CDH18: variants seen among roughly 807,000 people sequenced by gnomAD.
CDH18 encodes the protein cadherin-18.
CDH18 carries 31 observed loss-of-function variants against 67.9 expected under a neutral mutation model. That is an observed-to-expected ratio of 0.46 (90% CI 0.34 to 0.62). CDH18 has a LOEUF of 0.62. Ranked by LOEUF, CDH18 falls within the 20% of genes least tolerant of loss-of-function variation. The probability of loss-of-function intolerance (pLI) is 0.01; values close to 1 mark genes in which losing one functional copy is unlikely to be tolerated. For missense variants in CDH18, 890 were observed against 975.5 expected (o/e 0.91, Z 1.17); for synonymous variants, 362 against 347.2 (o/e 1.04, Z -0.48).
Position 19,965,767 on chromosome 5 carries a change from AAG to A in CDH18, c.-257+15291_-257+15292del, listed in dbSNP as rs577587842. 2.7e-3 allele frequency among the ~76,000 whole-genome samples: 404 copies of A among 152,202 alleles called. 2 individuals are homozygous for A. The highest frequency in any genetic ancestry group is 8.0e-3 in the Admixed American group (122 of 15,276). ...AGGTAGAAAGAGAGAGGCGGGTAGA[AAG>A]AGAGAGGCAGGTAGAAAGAGACAGG... On this transcript the variant is annotated intron_variant, in intron 2 of 12. Transcript: ENST00000382275.
intron 2 of CDH18, among the ~76,000 whole-genome samples, chr5:20,101,580 T>C (rs1746472445): frequency 6.6e-6 from 1 of 152,164 alleles, no homozygotes; most frequent in East Asian, 1.9e-4. Flanking sequence ...CATCATCAAC[T>C]AAGACTATGG....
intron 3 of CDH18, among the ~76,000 whole-genome samples, chr5:19,773,463 C>T (rs1773954023): frequency 6.6e-6 from 1 of 152,094 alleles, no homozygotes; most frequent in African/African-American, 2.4e-5. Context: ...GAGAAAACCT[C>T]ACAGTTCAGA....
chr5:19,625,522 T>G (rs908757390), intron 5 of CDH18, among the ~76,000 whole-genome samples: 13 of 152,104 alleles, frequency 8.5e-5, no homozygotes, highest in African/African-American at 2.9e-4. Flanking sequence ...AATCAAGGTG[T>G]TGGCAGGGTT....
At chr5:20,175,652 A>G (rs951064542) in intron 2 of CDH18, among the ~76,000 whole-genome samples, 2 of 152,142 alleles carry the variant, frequency 1.3e-5, no homozygotes, top group Non-Finnish European at 2.9e-5. Flanking sequence ...AATATGATAT[A>G]TAGATACATA....
intron 1 of CDH18, among the ~76,000 whole-genome samples, chr5:20,515,476 C>T (rs1007819486): frequency 2.8e-4 from 43 of 152,166 alleles, no homozygotes; most frequent in African/African-American, 1.0e-3. Context: ...GATCCCATTT[C>T]TATTCACTTT....
At chr5:20,266,223 T>C (rs900107752) in intron 1 of CDH18, among the ~76,000 whole-genome samples, 3 of 151,094 alleles carry the variant, frequency 2.0e-5, no homozygotes, top group Non-Finnish European at 2.9e-5. Context: ...TAAATCTCTA[T>C]CTACCTAGCT....
In CDH18 at chr5:19,985,740, T is replaced by TA. The variant is rs887917967; in HGVS notation, c.-376+2345dup. 1.3e-4 allele frequency among the ~76,000 whole-genome samples: 19 copies of TA among 148,606 alleles called. 1 individual carries two copies. The highest frequency in any genetic ancestry group is 4.0e-4 in the Admixed American group (6 of 14,908). ...GAGGGCCTAAAGTTCTGTACTTAAT[T>TA]AAAAAAAAAAGAAAGACAAAGAACA... is the stretch of plus-strand genomic sequence containing the variant. On this transcript the variant is annotated intron_variant, in intron 1 of 12. Transcript: ENST00000382275.
chr5:19,956,202 T>G (rs758653794), intron 2 of CDH18, among the ~76,000 whole-genome samples: 1 of 152,022 alleles, frequency 6.6e-6, no homozygotes, highest in African/African-American at 2.4e-5. Flanking sequence ...GTTTCTGCAG[T>G]TGAAAGCCAA....
chr5:20,431,422 A>G (rs1287233001), intron 1 of CDH18, among the ~76,000 whole-genome samples: 1 of 148,066 alleles, frequency 6.8e-6, no homozygotes, highest in Non-Finnish European at 1.5e-5. Flanking sequence ...GAACCCAGAA[A>G]GGTGGAGGCT....
chr5:19,686,512 C>T (rs148237326), intron 5 of CDH18, among the ~76,000 whole-genome samples: 12 of 152,096 alleles, frequency 7.9e-5, no homozygotes, highest in South Asian at 2.1e-4. Context: ...AGATAGCCAG[C>T]GTAGATGTTT....
Position 20,334,157 on chromosome 5 carries a change from C to T in CDH18, c.-579-78652G>A, listed in dbSNP as rs1228031202. On this transcript the variant is annotated intron_variant, in intron 1 of 14. Transcript: ENST00000507958. ...TTTTTTTTTTTTTTTTTTTTTGAGA[C>T]GGAGTCTCGCTGTCGCCCAGGCTGG... Among the ~76,000 whole-genome samples the T allele has an allele frequency of 2.7e-3, 252 of 91,934 alleles. 2 individuals are homozygous for T. The highest frequency in any genetic ancestry group is 0.013 in the African/African-American group (229 of 18,158). The allele number at this position is 91,934 out of a possible 152,430, so 60.3% of individuals were successfully genotyped here.
intron 2 of CDH18, among the ~76,000 whole-genome samples, chr5:20,148,447 G>C (rs1056803345): frequency 2.0e-5 from 3 of 152,014 alleles, no homozygotes; most frequent in African/African-American, 7.2e-5. Flanking sequence ...AAAAACAAAA[G>C]TAAAAATATT....
chr5:19,869,981 G>A (rs1224917776), intron 2 of CDH18, among the ~76,000 whole-genome samples: 1 of 152,058 alleles, frequency 6.6e-6, no homozygotes, highest in Admixed American at 6.6e-5. Flanking sequence ...GGAAATTCAA[G>A]TTGTAAACAT....
intron 1 of CDH18, among the ~76,000 whole-genome samples, chr5:20,338,493 C>G (rs1472080498): frequency 1.3e-5 from 2 of 152,138 alleles, no homozygotes; most frequent in Non-Finnish European, 2.9e-5. Context: ...AGGGACCAAG[C>G]CTCTTGCCCC....
rs77198217 is a variant in CDH18, at chr5:20,500,745, A to T, written c.-580+74717T>A. On this transcript the variant is annotated intron_variant, in intron 1 of 14. Transcript: ENST00000507958. Reference sequence around the variant, plus strand: ...TGTAATGATGTGCAAATGTGTCCAAATATTTGTTTAAATAAGGCTATAAGA... The same window carrying T: ...TGTAATGATGTGCAAATGTGTCCAATTATTTGTTTAAATAAGGCTATAAGA... 4.4e-3 allele frequency among the ~76,000 whole-genome samples: 676 copies of T among 152,292 alleles called. 17 individuals are homozygous for T. In the East Asian group the frequency reaches 0.065, roughly 15 times the overall value.
chr5:19,996,521 T>C (rs1261851229), intron 2 of CDH18, among the ~76,000 whole-genome samples: 1 of 152,086 alleles, frequency 6.6e-6, no homozygotes, highest in African/African-American at 2.4e-5. Context: ...TTGAAACTCA[T>C]GATTACTTTA....
chr5:19,488,227 A>G (rs1740714219), intron 11 of CDH18, among the ~76,000 whole-genome samples: 1 of 152,136 alleles, frequency 6.6e-6, no homozygotes, highest in South Asian at 2.1e-4. Context: ...AATAAATCCT[A>G]TTTTTTAGTC....
At chr5:19,770,011 A>T (rs1773552040) in intron 3 of CDH18, among the ~76,000 whole-genome samples, 1 of 152,126 alleles carries the variant, frequency 6.6e-6, no homozygotes, top group Non-Finnish European at 1.5e-5. Context: ...ATGTAAATGA[A>T]AACCACAATG....
At chr5:19,494,318 T>C (rs1032381413) in intron 11 of CDH18, among the ~76,000 whole-genome samples, 2 of 152,172 alleles carry the variant, frequency 1.3e-5, no homozygotes, top group Admixed American at 6.5e-5. Context: ...TTCATCTCTA[T>C]GTACACTGAT....
Sources: gnomAD v4.1 joint callset for allele counts (sites outside exome capture counted in the v4.1 genomes callset) on GRCh38, gnomAD v4.1.1 for gene constraint, MANE v1.5 for transcripts, NCBI Gene and HGNC (gene_info 2026-07-23, HGNC 2026-07-21) for gene names.